Variants in SLC9A9 observed in about 807,000 individuals in gnomAD.
SLC9A9 encodes solute carrier family 9 member A9.
Under a neutral mutation model 77.8 loss-of-function variants are expected in SLC9A9, and 62 were observed. The observed-to-expected ratio is 0.80, with a 90% CI of 0.65 to 0.98. The LOEUF is 0.98. SLC9A9 is among the 50% of genes least tolerant of loss of function. The probability of loss-of-function intolerance (pLI) is 0.00; values close to 1 mark genes in which losing one functional copy is unlikely to be tolerated. For synonymous variants in SLC9A9, 320 were observed against 283.5 expected, an observed-to-expected ratio of 1.13 and a Z score of -1.29; for missense variants, 775 against 774.9, an observed-to-expected ratio of 1.00 and a Z score of 0.00.
intron 14 of SLC9A9, among the ~76,000 whole-genome samples, chr3:143,291,745 T>G (rs542784220): frequency 6.6e-6 from 1 of 152,366 alleles, no homozygotes; most frequent in East Asian, 1.9e-4. Context: ...TTAGTTTTTC[T>G]GTCTGAGGTG....
At chr3:143,803,237 C>T (rs942386920) in intron 2 of SLC9A9, among the ~76,000 whole-genome samples, 2 of 152,182 alleles carry the variant, frequency 1.3e-5, no homozygotes, top group Non-Finnish European at 2.9e-5. Context: ...AAGTACTCTC[C>T]CCTACTTCCC....
intron 9 of SLC9A9, among the ~76,000 whole-genome samples, chr3:143,524,265 G>A (rs765088033): frequency 2.0e-5 from 3 of 152,044 alleles, no homozygotes; most frequent in Non-Finnish European, 2.9e-5. Flanking sequence ...AACTCACTGA[G>A]ATCCAAGACC....
chr3:143,547,409 G>A (rs1347326827), intron 9 of SLC9A9, among the ~76,000 whole-genome samples: 1 of 152,116 alleles, frequency 6.6e-6, no homozygotes, highest in African/African-American at 2.4e-5. Context: ...AACTTAACAA[G>A]TCAACCCTGG....
intron 14 of SLC9A9, chr3:143,314,443 C>T (rs897513377): frequency 5.9e-5 from 9 of 152,148 alleles, no homozygotes; most frequent in African/African-American, 1.7e-4. Flanking sequence ...GAGGATGGTT[C>T]GAATTATAGT....
At chr3:143,465,540 A>G (rs1311239463) in intron 12 of SLC9A9, among the ~76,000 whole-genome samples, 1 of 152,234 alleles carries the variant, frequency 6.6e-6, no homozygotes, top group Non-Finnish European at 1.5e-5. Context: ...TCCTGACATC[A>G]CTACTTTATG....
chr3:143,736,576 T>G, intron 4 of SLC9A9, among the ~76,000 whole-genome samples: 1 of 152,126 alleles, frequency 6.6e-6, no homozygotes, highest in East Asian at 1.9e-4. Context: ...TACCCCTTCT[T>G]TCATTGTTTA....
At chr3:143,315,268 T>C (rs988865056) in intron 14 of SLC9A9, among the ~76,000 whole-genome samples, 1 of 152,254 alleles carries the variant, frequency 6.6e-6, no homozygotes, top group East Asian at 1.9e-4. Flanking sequence ...ATTCCCATTA[T>C]ACTGGACACA....
chr3:143,507,200 T>C lies in SLC9A9; in HGVS notation c.1090-11752A>G, dbSNP rs149327773. 2.3e-3 allele frequency among the ~76,000 whole-genome samples: 354 copies of C among 151,508 alleles called. 4 individuals are homozygous for C. Among genetic ancestry groups the C allele is most frequent in the Middle Eastern group, 7.0e-3 (2 of 286 alleles). On this transcript the variant is annotated intron_variant, in intron 9 of 15. Coordinates refer to ENST00000316549, the MANE Select transcript of SLC9A9 (RefSeq NM_173653.4). The stretch of plus-strand genomic sequence containing the variant: ...CAGCCTCTCTCATTATTATTATCAT[T>C]ATTATTATTATTATTTTTATTTTTT...
intron 6 of SLC9A9, among the ~76,000 whole-genome samples, chr3:143,588,474 A>T (rs2037592872): frequency 6.6e-6 from 1 of 152,252 alleles, no homozygotes; most frequent in Admixed American, 6.5e-5. Context: ...CCTTTGACAG[A>T]TTCCTAAGTG....
intron 12 of SLC9A9, among the ~76,000 whole-genome samples, chr3:143,442,598 G>A (rs1316385247): frequency 6.6e-6 from 1 of 152,208 alleles, no homozygotes; most frequent in African/African-American, 2.4e-5. Context: ...GTGGGTGCCT[G>A]TAATCCCAGC....
intron 12 of SLC9A9, among the ~76,000 whole-genome samples, chr3:143,447,790 C>A (rs1349084267): frequency 1.6e-4 from 25 of 152,092 alleles, no homozygotes; most frequent in Non-Finnish European, 1.2e-4. Context: ...CGCTGTCTAC[C>A]CCAATTTGAA....
chr3:143,830,939 C>T (rs2009419817), intron 2 of SLC9A9, among the ~76,000 whole-genome samples: 1 of 151,938 alleles, frequency 6.6e-6, no homozygotes, highest in South Asian at 2.1e-4. Context: ...CTGATTTAGG[C>T]TAATATTATA....
intron 8 of SLC9A9, among the ~76,000 whole-genome samples, chr3:143,559,952 A>G (rs1212107856): frequency 6.6e-6 from 1 of 152,100 alleles, no homozygotes; most frequent in African/African-American, 2.4e-5. Flanking sequence ...CTTCTCTCTT[A>G]CTGCTGTTTC....
intron 4 of SLC9A9, among the ~76,000 whole-genome samples, chr3:143,738,794 C>T (rs955700438): frequency 4.6e-5 from 7 of 152,120 alleles, no homozygotes; most frequent in African/African-American, 1.2e-4. Flanking sequence ...TAGGAAAGTA[C>T]GTTACTTACA....
intron 13 of SLC9A9, among the ~76,000 whole-genome samples, chr3:143,367,892 C>T (rs2032953903): frequency 6.6e-6 from 1 of 152,042 alleles, no homozygotes; most frequent in Non-Finnish European, 1.5e-5. Flanking sequence ...GCATAGGTGC[C>T]AGAAACTGAA....
At chr3:143,504,897 C>G (rs1326841504) in intron 9 of SLC9A9, among the ~76,000 whole-genome samples, 1 of 152,138 alleles carries the variant, frequency 6.6e-6, no homozygotes, top group Non-Finnish European at 1.5e-5. Context: ...CCATTTGTGC[C>G]AGACTAGGCA....
chr3:143,495,184 C>T (rs2035811580), intron 10 of SLC9A9, 151 bp downstream of exon 10: 10 of 613,718 alleles, frequency 1.6e-5, no homozygotes, highest in East Asian at 5.9e-5. Context: ...GGATGTTTTC[C>T]TCCCCTAACT....
rs561238038 is a variant in SLC9A9 at position 143,305,395 on chromosome 3, G to A, written c.1605-36415C>T. Among the ~76,000 whole-genome samples, 14 of 152,278 alleles carry A rather than the reference G, an allele frequency of 9.2e-5. No individual in the cohort carries two copies. The East Asian group carries it at 2.5e-3, about 27-fold the overall frequency. On this transcript the variant is annotated intron_variant, in intron 14 of 15. Transcript: ENST00000316549. Reference sequence around the variant, plus strand: ...ACAGTGATAGAAGGTAGATGATACCGTTTCATAGCTGAGGAACAGGCACAG... The same window carrying A: ...ACAGTGATAGAAGGTAGATGATACCATTTCATAGCTGAGGAACAGGCACAG...
chr3:143,698,070 G>GT (rs1933692777), intron 4 of SLC9A9: 1 of 152,254 alleles, frequency 6.6e-6, no homozygotes, highest in South Asian at 2.1e-4. Context: ...ACCAGTCACC[G>GT]TATCCTCACA....
Sources: gnomAD v4.1 joint callset for allele counts (sites outside exome capture counted in the v4.1 genomes callset) on GRCh38, gnomAD v4.1.1 for gene constraint, MANE v1.5 for transcripts, NCBI Gene and HGNC (gene_info 2026-07-23, HGNC 2026-07-21) for gene names.